ELMOD3: variants seen among roughly 807,000 people sequenced by gnomAD.
The protein encoded by ELMOD3 is ELMO domain containing 3, also known as ELMO domain-containing protein 3.
Under a neutral mutation model 47.4 loss-of-function variants are expected in ELMOD3, and 36 were observed. The observed-to-expected ratio is 0.76, with a 90% CI of 0.58 to 1.00. The LOEUF (loss-of-function observed/expected upper bound fraction) is 1.00. Ranked by LOEUF, ELMOD3 falls within the 50% of genes least tolerant of loss-of-function variation. The pLI is 0.00. For synonymous variants in ELMOD3, 149 were observed against 183.5 expected (o/e 0.81, Z 1.52); for missense variants, 404 against 463.8 (o/e 0.87, Z 1.18).
At chr2:85,389,659 C>A in intron 11 of ELMOD3, 92 bp from the exon 12 acceptor site, 1 of 960,596 alleles carries the variant, frequency 1.0e-6, no homozygotes, top group Non-Finnish European at 1.7e-6. Flanking sequence ...GCCTCTGGGG[C>A]TGTGCTTGCC....
rs1408211239 is a variant in ELMOD3, at chr2:85,391,346, TC to T, written c.*387del. On this transcript the variant is annotated 3_prime_UTR_variant, in exon 14 of 14. Coordinates refer to ENST00000409013, the MANE Select transcript of ELMOD3 (RefSeq NM_001135022.2). ...AAGTAGAGGCAGCCAGAATTCTGAC[TC>T]CCTGGCAGCAGCAGGGCTTTCAGGC... 2 of 183,860 alleles carry T rather than the reference TC, an allele frequency of 1.1e-5. No homozygotes were observed. Among genetic ancestry groups the T allele is most frequent in the Non-Finnish European group, 2.3e-5 (2 of 87,812 alleles). The allele number at this position is 183,860 out of a possible 1,614,324, so 11.4% of individuals were successfully genotyped here. A position where few individuals can be genotyped will look rare whatever the true frequency, so the allele number is the denominator to read the frequency against.
intron 11 of ELMOD3, among the ~76,000 whole-genome samples, chr2:85,383,410 C>T (rs1464545604): frequency 2.6e-5 from 4 of 151,590 alleles, no homozygotes; most frequent in South Asian, 2.1e-4. Context: ...GGTGACAGGG[C>T]GAGACTCTGT....
At chr2:85,390,484 A>C (rs1157030786) in intron 13 of ELMOD3, 2 of 1,613,138 alleles carry the variant, frequency 1.2e-6, no homozygotes, top group Admixed American at 3.3e-5. Flanking sequence ...TACTTATGAC[A>C]AGCATATATT....
At chr2:85,382,010 G>C (rs1047906743) in intron 11 of ELMOD3, among the ~76,000 whole-genome samples, 4 of 144,034 alleles carry the variant, frequency 2.8e-5, no homozygotes, top group African/African-American at 1.0e-4. Flanking sequence ...CCAGCTACTC[G>C]GGAGGCTGAG....
chr2:85,358,279 CAAAA>C (rs1019363756), intron 4 of ELMOD3, among the ~76,000 whole-genome samples: 1 of 55,754 alleles, frequency 1.8e-5, no homozygotes, highest in African/African-American at 6.3e-5. Flanking sequence ...ACTCTGTCTC[CAAAA>C]AAAAAAAAAA....
chr2:85,380,972 A>G (rs994833553), intron 11 of ELMOD3, among the ~76,000 whole-genome samples: 3 of 152,268 alleles, frequency 2.0e-5, no homozygotes, highest in Non-Finnish European at 4.4e-5. Flanking sequence ...ATAATTTAAC[A>G]TAACAATTAT....
In ELMOD3 at chr2:85,390,747, C is replaced by A. The variant is rs1211141939; in HGVS notation, c.944-13C>A. The A allele has an allele frequency of 5.2e-6, 8 of 1,549,992 alleles. No individual in the cohort carries two copies. The highest frequency in any genetic ancestry group is 6.1e-6 in the Non-Finnish European group (7 of 1,146,894). On this transcript the variant is annotated splice_polypyrimidine_tract_variant and intron_variant, in intron 13 of 13. Coordinates refer to ENST00000409013, the MANE Select transcript of ELMOD3 (RefSeq NM_001135022.2). Reference sequence around the variant, plus strand: ...CCCTCAAGCCTTCTGCTCCCCAATTCTCTCTGTTGCAGAGTTGGAAGTATT... The same window carrying A: ...CCCTCAAGCCTTCTGCTCCCCAATTATCTCTGTTGCAGAGTTGGAAGTATT...
intron 6 of ELMOD3, among the ~76,000 whole-genome samples, chr2:85,364,825 A>ATATGTTTTT (rs375582916): frequency 1.4e-5 from 1 of 69,892 alleles, no homozygotes; most frequent in African/African-American, 6.7e-5. Context: ...ATATATATAT[A>ATATGTTTTT]TTTTTTTTTT....
chr2:85,372,258 T>C (rs1196751850), intron 10 of ELMOD3: 1 of 152,150 alleles, frequency 6.6e-6, no homozygotes, highest in Non-Finnish European at 1.5e-5. Flanking sequence ...GGAAAATCAC[T>C]TGAACCCGGA....
chr2:85,355,383 C>T (rs1311913986), intron 2 of ELMOD3, 172 bp from the exon 3 acceptor site: 2 of 152,202 alleles, frequency 1.3e-5, no homozygotes, highest in Admixed American at 1.3e-4. Context: ...CTCCAGCAAG[C>T]AGTTGAAGAA....
chr2:85,362,932 TA>T (rs1684086781), intron 5 of ELMOD3, among the ~76,000 whole-genome samples, 164 bp from the exon 6 acceptor site: 1 of 152,028 alleles, frequency 6.6e-6, no homozygotes, highest in African/African-American at 2.4e-5. Flanking sequence ...AATAAATAAA[TA>T]AAAAGTAAAA....
intron 6 of ELMOD3, 44 bp from the exon 7 acceptor site, chr2:85,368,642 C>CAT (rs1558700310): frequency 6.2e-7 from 1 of 1,603,576 alleles, no homozygotes; most frequent in South Asian, 1.1e-5. Flanking sequence ...GAGGCCCAGA[C>CAT]ATACCTAGAT....
Position 85,356,806 on chromosome 2 carries a change from G to A in ELMOD3, c.-232-161G>A, listed in dbSNP as rs373415049. On this transcript the variant is annotated intron_variant, in intron 3 of 13. Coordinates refer to ENST00000409013, the MANE Select transcript of ELMOD3 (RefSeq NM_001135022.2). ...TGGGACAGGAGAATCGCTTGAACCC[G>A]GGAGGCGGAGGTTGCAGTGAGCCGA... The A allele has an allele frequency of 1.0e-4, 16 of 154,756 alleles. No homozygotes were observed. The East Asian group carries it at 1.1e-3, about 11-fold the overall frequency. The allele number at this position is 154,756 out of a possible 1,614,324, so 9.6% of individuals were successfully genotyped here. A position where few individuals can be genotyped will look rare whatever the true frequency, so the allele number is the denominator to read the frequency against.
In ELMOD3 at chr2:85,369,794, G is replaced by A. The variant is rs143305924; in HGVS notation, c.324G>A (p.Leu108=). ...AGCTAATCTCCTTCAGTGAGGCCCT[G>A]CAGCACTTCCAGACTGTGGACCTTT... ...PGQLISFSEA[L]QHFQTVDLSP... Residue 108 remains leucine (L), a synonymous_variant, in exon 8 of 14, where the codon CTG becomes CTA. Transcript: ENST00000409013. The A allele has an allele frequency of 1.0e-4, 161 of 1,614,022 alleles. No homozygotes were observed. The highest frequency in any genetic ancestry group is 2.7e-5 in the Non-Finnish European group (32 of 1,180,008).
intron 10 of ELMOD3, chr2:85,372,919 A>G (rs901931317): frequency 6.8e-6 from 1 of 147,874 alleles, no homozygotes; most frequent in African/African-American, 2.5e-5. Flanking sequence ...AGACAAAACC[A>G]TATCAAATTA....
chr2:85,373,919 C>CT (rs769671833), intron 10 of ELMOD3, among the ~76,000 whole-genome samples: 1,995 of 124,512 alleles, frequency 0.016, 41 homozygotes, highest in Middle Eastern at 0.036. Flanking sequence ...TCCTAACCCT[C>CT]TTTTTTTTTT....
chr2:85,370,434 A>T (rs1195711951), intron 8 of ELMOD3, among the ~76,000 whole-genome samples: 1 of 151,714 alleles, frequency 6.6e-6, no homozygotes, highest in African/African-American at 2.4e-5. Flanking sequence ...AAAAAAAAAA[A>T]GCTGGGGAGC....
intron 11 of ELMOD3, among the ~76,000 whole-genome samples, chr2:85,383,570 C>T (rs1470690740): frequency 3.9e-5 from 6 of 152,084 alleles, no homozygotes; most frequent in Non-Finnish European, 5.9e-5. Context: ...GTGATCCACC[C>T]GCCTTGGCCT....
At chr2:85,385,361 G>T (rs543286423) in intron 11 of ELMOD3, among the ~76,000 whole-genome samples, 5 of 152,284 alleles carry the variant, frequency 3.3e-5, no homozygotes, top group African/African-American at 1.2e-4. Flanking sequence ...AAGAGTCAGC[G>T]AAGGGAGATA....
Sources: gnomAD v4.1 joint callset for allele counts (sites outside exome capture counted in the v4.1 genomes callset) on GRCh38, gnomAD v4.1.1 for gene constraint, MANE v1.5 for transcripts, NCBI Gene and HGNC (gene_info 2026-07-23, HGNC 2026-07-21) for gene names.